Variants in NUP35 observed in about 807,000 individuals in gnomAD.
The protein encoded by NUP35 is nucleoporin NUP35.
Under a neutral mutation model 41.5 loss-of-function variants are expected in NUP35, and 25 were observed. That is an observed-to-expected ratio of 0.60 (90% CI 0.44 to 0.84). The LOEUF is 0.84. Among genes scored for constraint, NUP35 ranks in the 40% least tolerant of loss-of-function variants. NUP35 has a pLI of 0.00. For synonymous variants in NUP35, 149 were observed against 130.7 expected, an observed-to-expected ratio of 1.14 and a Z score of -0.96; for missense variants, 396 against 396.6, an observed-to-expected ratio of 1.00 and a Z score of 0.01.
chr2:183,154,961 T>TG (rs1326302092), intron 5 of NUP35, among the ~76,000 whole-genome samples: 4 of 151,898 alleles, frequency 2.6e-5, no homozygotes, highest in Admixed American at 2.0e-4. Context: ...CAAGAGAAAA[T>TG]GAGGAAGCAA....
intron 2 of NUP35, among the ~76,000 whole-genome samples, chr2:183,128,763 C>T (rs1454750892): frequency 6.6e-6 from 1 of 151,446 alleles, no homozygotes; most frequent in African/African-American, 2.4e-5. Context: ...GCAGCATTCA[C>T]CCTCATCAAT....
chr2:183,157,245 C>T (rs1685696322), intron 5 of NUP35, among the ~76,000 whole-genome samples, 199 bp from the exon 6 acceptor site: 1 of 152,064 alleles, frequency 6.6e-6, no homozygotes, highest in Non-Finnish European at 1.5e-5. Flanking sequence ...CAGGATAAGA[C>T]TAACTTTAAG....
intron 4 of NUP35, among the ~76,000 whole-genome samples, chr2:183,135,538 G>C (rs1684846912): frequency 6.6e-6 from 1 of 152,200 alleles, no homozygotes; most frequent in South Asian, 2.1e-4. Flanking sequence ...CTGTTGCTGG[G>C]TTCAACTAGT....
chr2:183,124,382 T>C, upstream of NUP35: 3 of 1,613,392 alleles, frequency 1.9e-6, no homozygotes, highest in Non-Finnish European at 2.5e-6. Context: ...AGCACGCCGT[T>C]ACCCGTGGGG....
At chr2:183,132,863 C>A (rs986874682) in intron 3 of NUP35, among the ~76,000 whole-genome samples, 1 of 152,144 alleles carries the variant, frequency 6.6e-6, no homozygotes, top group Non-Finnish European at 1.5e-5. Context: ...AATTTTATAT[C>A]TCTCCCAACA....
intron 7 of NUP35, among the ~76,000 whole-genome samples, chr2:183,159,000 T>C (rs913149026): frequency 4.6e-5 from 7 of 152,168 alleles, no homozygotes; most frequent in Non-Finnish European, 1.5e-5. Flanking sequence ...GCATTGTGCT[T>C]GGTGCTAGTA....
chr2:183,150,569 A>AC (rs1225487200), intron 4 of NUP35, among the ~76,000 whole-genome samples: 1 of 151,612 alleles, frequency 6.6e-6, no homozygotes, highest in Non-Finnish European at 1.5e-5. Context: ...CATTTAACCC[A>AC]CCCACACAAA....
chr2:183,142,895 G>A (rs551935589), intron 4 of NUP35, among the ~76,000 whole-genome samples: 58 of 151,714 alleles, frequency 3.8e-4, no homozygotes, highest in African/African-American at 1.0e-3. Flanking sequence ...GGTGGCTCAC[G>A]CCTGTAATCC....
chr2:183,157,501 C>G lies in NUP35; in HGVS notation c.597C>G (p.Ile199Met), dbSNP rs1362979154. ...ILLQFAQYGN[I>M]LKHVMSNTGN... ...TACAATTTGCACAGTATGGGAATAT[C>G]TTAAAACATGTGGTAAGGCTTAATT... The change falls in exon 6 of 9, where the codon ATC becomes ATG. Residue 199 changes from isoleucine (I) to methionine (M), a missense_variant. Transcript: ENST00000295119. 1.9e-6 allele frequency: 3 copies of G among 1,608,234 alleles called. No homozygotes were observed. Among genetic ancestry groups the G allele is most frequent in the Admixed American group, 3.3e-5 (2 of 59,942 alleles).
At chr2:183,156,762 C>T (rs1338196987) in intron 5 of NUP35, among the ~76,000 whole-genome samples, 1 of 151,718 alleles carries the variant, frequency 6.6e-6, no homozygotes, top group Non-Finnish European at 1.5e-5. Context: ...CATTTCTATG[C>T]GATTGGTAGT....
intron 8 of NUP35, chr2:183,160,617 A>G (rs763134044): frequency 1.3e-5 from 2 of 151,908 alleles, no homozygotes; most frequent in Non-Finnish European, 2.9e-5. Context: ...GACCTCAAGT[A>G]ATCTGCCCAC....
At chr2:183,153,547 A>G (rs1006023339) in intron 5 of NUP35, among the ~76,000 whole-genome samples, 1 of 152,158 alleles carries the variant, frequency 6.6e-6, no homozygotes, top group African/African-American at 2.4e-5. Flanking sequence ...GGGGCAGTCA[A>G]ATTTTAAAGC....
intron 4 of NUP35, among the ~76,000 whole-genome samples, chr2:183,147,486 ATTGT>A: frequency 6.6e-6 from 1 of 152,188 alleles, no homozygotes; most frequent in Middle Eastern, 3.4e-3. Flanking sequence ...TCAAAGATCC[ATTGT>A]TTGTAGGTGT....
chr2:183,147,666 C>G (rs985855262), intron 4 of NUP35, among the ~76,000 whole-genome samples: 3 of 152,122 alleles, frequency 2.0e-5, no homozygotes. Context: ...TATTTGGGCT[C>G]TTCTTGCTTC....
chr2:183,157,548 C>T, intron 6 of NUP35, 35 bp downstream of exon 6: 1 of 1,367,556 alleles, frequency 7.3e-7, no homozygotes, highest in South Asian at 1.2e-5. Flanking sequence ...AGAGTTTTGA[C>T]TAAAGAGGGA....
At chr2:183,130,835 T>G (rs1170022925) in intron 3 of NUP35, among the ~76,000 whole-genome samples, 13 of 152,222 alleles carry the variant, frequency 8.5e-5, no homozygotes, top group Non-Finnish European at 8.8e-5. Flanking sequence ...ATGTAGAATG[T>G]GACTATGGTT....
At chr2:183,134,406 G>T (rs1302993430) in intron 4 of NUP35, among the ~76,000 whole-genome samples, 1 of 152,094 alleles carries the variant, frequency 6.6e-6, no homozygotes, top group Non-Finnish European at 1.5e-5. Context: ...AAGGGGGGGA[G>T]GGGGTAGAGA....
chr2:183,126,748 C>G (rs1259972632), intron 1 of NUP35, among the ~76,000 whole-genome samples: 1 of 151,554 alleles, frequency 6.6e-6, no homozygotes, highest in African/African-American at 2.4e-5. Context: ...TATTAAGAAA[C>G]AGATTGTTAA....
At chr2:183,125,314 G>A (rs1164754587) in intron 1 of NUP35, among the ~76,000 whole-genome samples, 2 of 151,694 alleles carry the variant, frequency 1.3e-5, no homozygotes, top group Non-Finnish European at 2.9e-5. Context: ...TGTGAGAATC[G>A]TCGAAAATTT....
Sources: gnomAD v4.1 joint callset for allele counts (sites outside exome capture counted in the v4.1 genomes callset) on GRCh38, gnomAD v4.1.1 for gene constraint, MANE v1.5 for transcripts, NCBI Gene and HGNC (gene_info 2026-07-23, HGNC 2026-07-21) for gene names.